Variants in TET1 observed in about 807,000 individuals in gnomAD.
The protein encoded by TET1 is tet methylcytosine dioxygenase 1.
In TET1, 13 loss-of-function variants were observed where a neutral mutation model predicts 148.7. That is an observed-to-expected ratio of 0.09 (90% CI 0.06 to 0.14). The LOEUF (loss-of-function observed/expected upper bound fraction) is 0.14. TET1 is among the 10% of genes least tolerant of loss of function. The pLI is 1.00. For synonymous variants in TET1, 907 were observed against 937.2 expected, an observed-to-expected ratio of 0.97 and a Z score of 0.59; for missense variants, 2,182 against 2,553.8, an observed-to-expected ratio of 0.85 and a Z score of 3.14.
chr10:68,624,083 TTTTC>T (rs756484778), intron 3 of TET1, among the ~76,000 whole-genome samples: 25 of 148,684 alleles, frequency 1.7e-4, no homozygotes, highest in Non-Finnish European at 3.0e-4. Context: ...ATATTTTCTT[TTTTC>T]TTTCTTTCTT....
Position 68,646,075 on chromosome 10 carries a change from T to C in TET1, c.3346T>C (p.Tyr1116His). The C allele has an allele frequency of 6.2e-7, 1 of 1,613,832 alleles. No homozygotes were observed. Among genetic ancestry groups the C allele is most frequent in the Non-Finnish European group, 8.5e-7 (1 of 1,180,004 alleles). ...TGTCACATGTAATGTACAGCAAAAA[T>C]ACAATCAGGAGAAGGGCACAATACA... The part of the protein sequence containing the change: ...SLVTCNVQQK[Y>H]NQEKGTIQQK... The change falls in exon 4 of 12, where the codon TAC becomes CAC. Residue 1116 changes from tyrosine to histidine, a missense_variant. Around this residue, in one of 11 missense-constraint regions of TET1, gnomAD observed 582 missense variants for 599.5 expected, o/e 0.97. Transcript: ENST00000373644.
intron 3 of TET1, among the ~76,000 whole-genome samples, chr10:68,618,990 G>A (rs1055662613): frequency 6.6e-6 from 1 of 151,994 alleles, no homozygotes; most frequent in African/African-American, 2.4e-5. Context: ...AAATAATTAA[G>A]TAAAAAGAAA....
At chr10:68,689,979 A>G (rs1443336455) in intron 11 of TET1, among the ~76,000 whole-genome samples, 1 of 152,172 alleles carries the variant, frequency 6.6e-6, no homozygotes, top group Non-Finnish European at 1.5e-5. Context: ...TTCAAGTACA[A>G]TATTTTGCTT....
At chr10:68,628,561 C>T (rs1301469670) in intron 3 of TET1, among the ~76,000 whole-genome samples, 2 of 152,122 alleles carry the variant, frequency 1.3e-5, no homozygotes, top group Non-Finnish European at 2.9e-5. Context: ...TAAGTACAAT[C>T]AATGGATTTG....
chr10:68,580,082 C>T (rs1296318302), intron 2 of TET1, among the ~76,000 whole-genome samples: 1 of 151,722 alleles, frequency 6.6e-6, no homozygotes, highest in Non-Finnish European at 1.5e-5. Context: ...GTGCACACCA[C>T]CACGCCCAGC....
chr10:68,619,429 C>T (rs1165804836), intron 3 of TET1, among the ~76,000 whole-genome samples: 1 of 152,088 alleles, frequency 6.6e-6, no homozygotes, highest in Non-Finnish European at 1.5e-5. Context: ...AGAGGGGTCT[C>T]ACTTTTTTGC....
At chr10:68,685,672 T>C (rs995616207) in intron 10 of TET1, among the ~76,000 whole-genome samples, 25 of 152,144 alleles carry the variant, frequency 1.6e-4, no homozygotes, top group Non-Finnish European at 3.2e-4. Context: ...TTCTCCATAA[T>C]AAATATAACC....
intron 2 of TET1, among the ~76,000 whole-genome samples, chr10:68,578,650 A>T (rs1296729160): frequency 6.6e-6 from 1 of 152,172 alleles, no homozygotes; most frequent in Non-Finnish European, 1.5e-5. Context: ...TTTTACATTT[A>T]GCTAGGATTT....
At chr10:68,634,185 A>T (rs910509817) in intron 3 of TET1, among the ~76,000 whole-genome samples, 2 of 152,166 alleles carry the variant, frequency 1.3e-5, no homozygotes, top group African/African-American at 4.8e-5. Flanking sequence ...CACCGCAACT[A>T]GCTAAGGATT....
intron 2 of TET1, among the ~76,000 whole-genome samples, chr10:68,579,001 A>G (rs745791027): frequency 1.3e-4 from 20 of 152,176 alleles, no homozygotes; most frequent in Non-Finnish European, 2.8e-4. Context: ...TGGGTGACAT[A>G]GCAAGACCCT....
chr10:68,652,688 T>G (rs2054955391), intron 6 of TET1, 94 bp downstream of exon 6: 31 of 841,994 alleles, frequency 3.7e-5, no homozygotes, highest in Non-Finnish European at 5.5e-5. Context: ...TTTATTTTAT[T>G]TATTCATTTA....
At chr10:68,583,288 C>A (rs1422786686) in intron 2 of TET1, among the ~76,000 whole-genome samples, 3 of 152,090 alleles carry the variant, frequency 2.0e-5, no homozygotes, top group Non-Finnish European at 4.4e-5. Context: ...AAGTAGCCAG[C>A]CACTGTGGGA....
intron 3 of TET1, among the ~76,000 whole-genome samples, chr10:68,609,707 AAAT>A (rs1269098887): frequency 1.3e-5 from 2 of 152,220 alleles, no homozygotes; most frequent in African/African-American, 4.8e-5. Flanking sequence ...ATCAGATATT[AAAT>A]AATAAACTTA....
intron 6 of TET1, among the ~76,000 whole-genome samples, chr10:68,661,615 C>G (rs2055116331): frequency 6.6e-6 from 1 of 151,438 alleles, no homozygotes; most frequent in Non-Finnish European, 1.5e-5. Flanking sequence ...TCCCAAGGAG[C>G]TGAAACCATA....
intron 6 of TET1, among the ~76,000 whole-genome samples, chr10:68,663,041 T>C (rs1394320832): frequency 6.6e-6 from 1 of 152,252 alleles, no homozygotes; most frequent in African/African-American, 2.4e-5. Flanking sequence ...GAATTACCTG[T>C]TGGGTACAAT....
At chr10:68,574,419 C>T (rs2053705480) in intron 2 of TET1, among the ~76,000 whole-genome samples, 167 bp downstream of exon 2, 2 of 152,128 alleles carry the variant, frequency 1.3e-5, no homozygotes, top group African/African-American at 4.8e-5. Flanking sequence ...TAAAAGAATT[C>T]CTGGACCTAC....
chr10:68,586,137 T>C (rs2132826862), intron 2 of TET1, among the ~76,000 whole-genome samples: 1 of 152,274 alleles, frequency 6.6e-6, no homozygotes, highest in East Asian at 1.9e-4. Context: ...GCCTCCTAAC[T>C]AGCTAGGACT....
At chr10:68,651,709 A>G in intron 4 of TET1, 137 bp from the exon 5 acceptor site, 2 of 536,532 alleles carry the variant, frequency 3.7e-6, no homozygotes, top group East Asian at 6.0e-5. Flanking sequence ...CTTGCCTTTA[A>G]TTATCAAATC....
Position 68,672,515 on chromosome 10 carries a change from C to CAAAA in TET1, c.4674-369_4674-366dup, listed in dbSNP as rs1207136905. 3.5e-4 allele frequency among the ~76,000 whole-genome samples: 30 copies of CAAAA among 85,710 alleles called. No individual in the cohort carries two copies. The South Asian group carries it at 9.1e-3, about 26-fold the overall frequency. The allele number at this position is 85,710 out of a possible 152,430, so 56.2% of individuals were successfully genotyped here. A position where few individuals can be genotyped will look rare whatever the true frequency, so the allele number is the denominator to read the frequency against. ...AAAAAAAAAAAAAAAAAAAAAACAC[C>CAAAA]AAAAAAAAAAAAAAGAAAAACCCAG... is the stretch of plus-strand genomic sequence containing the variant. On this transcript the variant is annotated intron_variant, in intron 7 of 11. Transcript: ENST00000373644.
Sources: gnomAD v4.1 joint callset for allele counts (sites outside exome capture counted in the v4.1 genomes callset) on GRCh38, gnomAD v4.1.1 for gene constraint, gnomAD v4.1.1 regional missense constraint, MANE v1.5 for transcripts, NCBI Gene and HGNC (gene_info 2026-07-23, HGNC 2026-07-21) for gene names.